Variants in NEGR1 observed in about 807,000 individuals in gnomAD.
NEGR1 encodes IgLON family member 4.
In NEGR1, 10 loss-of-function variants were observed where a neutral mutation model predicts 40.9. The ratio of observed to expected loss-of-function variants is 0.24; its 90% CI spans 0.15 to 0.42. The LOEUF is 0.42. NEGR1 is among the 10% of genes least tolerant of loss of function. NEGR1 has a pLI of 1.00. For missense variants in NEGR1, 352 were observed against 438.9 expected (o/e 0.80, Z 1.77); for synonymous variants, 185 against 166.8 (o/e 1.11, Z -0.84).
At chr1:72,268,428 C>A (rs1012223285) in intron 1 of NEGR1, among the ~76,000 whole-genome samples, 1 of 151,324 alleles carries the variant, frequency 6.6e-6, no homozygotes, top group African/African-American at 2.4e-5. Flanking sequence ...GAAATCCGCA[C>A]GTAAGTTTTT....
intron 2 of NEGR1, among the ~76,000 whole-genome samples, chr1:71,898,338 G>A (rs532731207): frequency 5.3e-5 from 8 of 152,222 alleles, no homozygotes; most frequent in Admixed American, 4.6e-4. Flanking sequence ...TTTGCTGGCC[G>A]GGCGCGGTGG....
chr1:71,939,587 A>G (rs1645940918), intron 1 of NEGR1, among the ~76,000 whole-genome samples: 1 of 152,202 alleles, frequency 6.6e-6, no homozygotes, highest in African/African-American at 2.4e-5. Flanking sequence ...TACAGACAAT[A>G]ACTGGTGAAT....
chr1:71,919,522 A>G (rs1645680422), intron 2 of NEGR1, among the ~76,000 whole-genome samples: 1 of 148,990 alleles, frequency 6.7e-6, no homozygotes, highest in Non-Finnish European at 1.5e-5. Flanking sequence ...TAGCATCAGG[A>G]ACTTTGAGAA....
intron 1 of NEGR1, among the ~76,000 whole-genome samples, chr1:72,167,031 C>T (rs1349262253): frequency 6.6e-6 from 1 of 152,092 alleles, no homozygotes; most frequent in Admixed American, 6.6e-5. Context: ...GAGCCTGAAG[C>T]TAACACCTAG....
rs191864738 is a variant in NEGR1 at position 71,778,174 on chromosome 1, C to T, written c.410-1877G>A. ...TGTAAAGCACATGTGGATATATATA[C>T]ATATATATATATAGAGAGAGAGACA... On this transcript the variant is annotated intron_variant, in intron 2 of 6. Coordinates refer to ENST00000357731, the MANE Select transcript of NEGR1 (RefSeq NM_173808.3). Among the ~76,000 whole-genome samples, 248 of 150,538 alleles carry T rather than the reference C, an allele frequency of 1.6e-3. 1 individual carries two copies. Among genetic ancestry groups the T allele is most frequent in the African/African-American group, 5.6e-3 (231 of 41,148 alleles).
intron 1 of NEGR1, among the ~76,000 whole-genome samples, chr1:72,241,613 T>C (rs969984221): frequency 1.3e-5 from 2 of 151,686 alleles, no homozygotes; most frequent in Non-Finnish European, 3.0e-5. Flanking sequence ...CTAGGTGTTG[T>C]GTTGCGAAAG....
chr1:71,459,228 T>G (rs1188090861), intron 6 of NEGR1, among the ~76,000 whole-genome samples: 1 of 152,170 alleles, frequency 6.6e-6, no homozygotes, highest in African/African-American at 2.4e-5. Flanking sequence ...AGAACAGCTT[T>G]AAGATTTTCT....
chr1:72,096,546 C>T (rs971558043), intron 1 of NEGR1, among the ~76,000 whole-genome samples: 2 of 148,680 alleles, frequency 1.3e-5, no homozygotes, highest in Non-Finnish European at 3.0e-5. Flanking sequence ...CACTGAATAA[C>T]TATTAATTAC....
At chr1:71,454,589 G>A (rs1646657637) in intron 6 of NEGR1, among the ~76,000 whole-genome samples, 1 of 152,062 alleles carries the variant, frequency 6.6e-6, no homozygotes, top group African/African-American at 2.4e-5. Context: ...CTCTTACAAT[G>A]TGGATCCCCA....
intron 1 of NEGR1, among the ~76,000 whole-genome samples, chr1:72,138,663 T>G (rs372874109): frequency 1.3e-5 from 2 of 152,052 alleles, no homozygotes; most frequent in East Asian, 3.9e-4. Flanking sequence ...CCAATTAAGA[T>G]TACACAGCAA....
chr1:71,561,646 T>C (rs1041667148), intron 6 of NEGR1, among the ~76,000 whole-genome samples: 2 of 151,746 alleles, frequency 1.3e-5, no homozygotes, highest in African/African-American at 4.8e-5. Flanking sequence ...TTTTATATCA[T>C]TGTTTCTCCA....
intron 6 of NEGR1, among the ~76,000 whole-genome samples, chr1:71,442,643 A>T (rs1646555951): frequency 2.0e-5 from 3 of 152,160 alleles, no homozygotes; most frequent in African/African-American, 7.2e-5. Flanking sequence ...AAATTAATGA[A>T]TTAATTAATA....
intron 6 of NEGR1, among the ~76,000 whole-genome samples, chr1:71,586,846 G>C (rs1487226574): frequency 1.3e-5 from 2 of 152,080 alleles, no homozygotes; most frequent in Non-Finnish European, 1.5e-5. Context: ...TTGTTTGGTA[G>C]AGAACGACTT....
chr1:72,227,280 C>T (rs544549135), intron 1 of NEGR1, among the ~76,000 whole-genome samples: 1 of 151,992 alleles, frequency 6.6e-6, no homozygotes, highest in South Asian at 2.1e-4. Flanking sequence ...ATCAAATAGG[C>T]GGTAGGGAAA....
At chr1:71,570,708 C>G (rs1014373840) in intron 6 of NEGR1, among the ~76,000 whole-genome samples, 29 of 151,692 alleles carry the variant, frequency 1.9e-4, no homozygotes, top group South Asian at 4.2e-4. Context: ...CTGGATGTCT[C>G]TAGCCATTTC....
chr1:71,485,165 G>A (rs1173540686), intron 6 of NEGR1, among the ~76,000 whole-genome samples: 2 of 151,296 alleles, frequency 1.3e-5, no homozygotes, highest in African/African-American at 4.8e-5. Context: ...TGTGTGAGGA[G>A]GTAAAGAAAG....
At chr1:71,721,891 T>C (rs1483014790) in intron 3 of NEGR1, among the ~76,000 whole-genome samples, 1 of 152,096 alleles carries the variant, frequency 6.6e-6, no homozygotes, top group South Asian at 2.1e-4. Flanking sequence ...AAAAGGAATC[T>C]TGGCAAAGAG....
At chr1:71,992,487 T>C (rs1646462658) in intron 1 of NEGR1, among the ~76,000 whole-genome samples, 2 of 123,266 alleles carry the variant, frequency 1.6e-5, no homozygotes, top group Non-Finnish European at 3.6e-5. Flanking sequence ...ACTTAAAAAA[T>C]AGTAAAAAGA....
intron 2 of NEGR1, among the ~76,000 whole-genome samples, chr1:71,928,045 CACACGTATATATAT>C (rs770563861): frequency 7.8e-5 from 9 of 115,346 alleles, no homozygotes; most frequent in Non-Finnish European, 1.2e-4. Context: ...CACACACACA[CACACGTATATATAT>C]ACACACACAC....
Sources: gnomAD v4.1 joint callset for allele counts (sites outside exome capture counted in the v4.1 genomes callset) on GRCh38, gnomAD v4.1.1 for gene constraint, MANE v1.5 for transcripts, NCBI Gene and HGNC (gene_info 2026-07-23, HGNC 2026-07-21) for gene names.